The following ATG2B variants were observed in gnomAD, a reference collection of about 807,000 sequenced individuals.
ATG2B encodes autophagy related 2B, also known as autophagy-related protein 2 homolog B.
In ATG2B, 121 loss-of-function variants were observed where a neutral mutation model predicts 241.3. That is an observed-to-expected ratio of 0.50 (90% CI 0.43 to 0.58). The LOEUF (loss-of-function observed/expected upper bound fraction) is 0.58, where lower values mean the gene tolerates loss of function less well. ATG2B is among the 20% of genes least tolerant of loss of function. ATG2B has a pLI of 0.00. For missense variants in ATG2B, 2,306 were observed against 2,491.6 expected (o/e 0.93, Z 1.59); for synonymous variants, 858 against 876.6 (o/e 0.98, Z 0.37).
intron 6 of ATG2B, among the ~76,000 whole-genome samples, chr14:96,337,527 AG>A (rs892365251): frequency 6.6e-5 from 10 of 152,180 alleles, no homozygotes; most frequent in African/African-American, 2.4e-4. Flanking sequence ...AACAGTATGA[AG>A]GTTCCTCAGA....
intron 1 of ATG2B, among the ~76,000 whole-genome samples, chr14:96,358,170 C>T (rs1194029901): frequency 6.6e-6 from 1 of 152,146 alleles, no homozygotes; most frequent in Non-Finnish European, 1.5e-5. Flanking sequence ...TACGGTGGCT[C>T]ATGCCTGTAA....
At chr14:96,341,138 C>T (rs1349980840) in intron 6 of ATG2B, among the ~76,000 whole-genome samples, 1 of 151,948 alleles carries the variant, frequency 6.6e-6, no homozygotes, top group African/African-American at 2.4e-5. Flanking sequence ...TTCTTGCTTG[C>T]CAAATCTCTT....
rs1216343135 is a variant in ATG2B, at chr14:96,317,715, T to G, written c.3020A>C (p.Lys1007Thr). The G allele has an allele frequency of 6.2e-7, 1 of 1,608,812 alleles. No homozygotes were observed. The highest frequency in any genetic ancestry group is 1.7e-5 in the Admixed American group (1 of 59,506). Reference sequence around the variant, plus strand: ...TATATTACCATAGTGAACTGCAGATTTAAATGCACTAAAACTATCTTTGTT... The same window carrying G: ...TATATTACCATAGTGAACTGCAGATGTAAATGCACTAAAACTATCTTTGTT... ...TFNKDSFSAF[K>T]SAVHYDEESG... Residue 1007 changes from lysine to threonine, a missense_variant, in exon 19 of 42, where the codon AAA becomes ACA. Physicochemically the swap from Lys to Thr is moderately conservative, Grantham distance 78. Coordinates refer to ENST00000359933, the MANE Select transcript of ATG2B (RefSeq NM_018036.7).
At chr14:96,343,054 T>C (rs988363016) in intron 5 of ATG2B, 65 bp downstream of exon 5, 49 of 1,295,582 alleles carry the variant, frequency 3.8e-5, no homozygotes, top group Admixed American at 2.0e-4. Context: ...CAAAATTTAA[T>C]AGCCCCCATT....
intron 1 of ATG2B, among the ~76,000 whole-genome samples, chr14:96,352,158 A>G (rs557491790): frequency 3.0e-4 from 46 of 152,294 alleles, no homozygotes; most frequent in African/African-American, 1.1e-3. Flanking sequence ...CACCTTAGTG[A>G]CATCGCAGCC....
chr14:96,325,931 C>A lies in ATG2B; in HGVS notation c.2164-9G>T, dbSNP rs1346285413. The A allele has an allele frequency of 6.2e-7, 1 of 1,605,442 alleles. No homozygotes were observed. The highest frequency in any genetic ancestry group is 2.2e-5 in the East Asian group (1 of 44,662). The stretch of plus-strand genomic sequence containing the variant: ...TCAGTGAAAGCCTTGTGCTAAAACA[C>A]AAAACATCAAAAATATGCCAAAATA... On this transcript the variant is annotated splice_polypyrimidine_tract_variant and intron_variant, in intron 14 of 41. Transcript: ENST00000359933.
chr14:96,329,604 A>G lies in ATG2B; in HGVS notation c.1761T>C (p.Tyr587=). ...RFIGTGIKVS[Y]EQRQRSASRY... is the part of the protein sequence containing the mutation. The stretch of plus-strand genomic sequence containing the variant: ...GGGAAGCTGATCTTTGTCTTTGTTC[A>G]TAGGATACTTTAATGCCAGTACCTA... Residue 587 remains tyrosine (Y), a synonymous_variant, in exon 12 of 42, where the codon TAT becomes TAC. Transcript: ENST00000359933. The G allele has an allele frequency of 1.2e-6, 2 of 1,608,310 alleles. No homozygotes were observed. Among genetic ancestry groups the G allele is most frequent in the East Asian group, 4.5e-5 (2 of 44,730 alleles).
intron 29 of ATG2B, 32 bp from the exon 30 acceptor site, chr14:96,306,948 C>T (rs763856061): frequency 3.2e-6 from 5 of 1,565,368 alleles, no homozygotes; most frequent in South Asian, 2.3e-5. Flanking sequence ...TTTTGGCACA[C>T]TTTGAAATAT....
chr14:96,331,734 A>G, intron 10 of ATG2B, 97 bp from the exon 11 acceptor site: 2 of 953,400 alleles, frequency 2.1e-6, no homozygotes, highest in Middle Eastern at 3.1e-4. Flanking sequence ...TAAAAAACAG[A>G]TGATCATACA....
rs768234897 is a variant in ATG2B, at chr14:96,362,824, C to A, written c.153G>T (p.Leu51Phe). The change falls in exon 1 of 42, where the codon TTG becomes TTT. Residue 51 changes from leucine to phenylalanine, a missense_variant. Transcript: ENST00000359933. ...CGCCGGCAGCTCTTACCCATTTGTCCAAGGGGACCTGGGCGAGGGACCCGG... is the reference window on the plus strand; with the variant it reads ...CGCCGGCAGCTCTTACCCATTTGTCAAAGGGGACCTGGGCGAGGGACCCGG... ...QGTGSLAQVP[L>F]DKWCLNEILE... The A allele has an allele frequency of 1.3e-5, 21 of 1,607,554 alleles. No homozygotes were observed. The highest frequency in any genetic ancestry group is 1.6e-5 in the Non-Finnish European group (19 of 1,176,156).
intron 23 of ATG2B, 99 bp downstream of exon 23, chr14:96,315,055 C>T: frequency 1.2e-6 from 1 of 830,566 alleles, no homozygotes; most frequent in Non-Finnish European, 2.0e-6. Flanking sequence ...TGATAATTCA[C>T]TGAGCTGAAC....
In ATG2B at chr14:96,328,761, T is replaced by G; in HGVS notation, c.1887A>C (p.Leu629Phe). ...HSVPPHYTEL[L>F]TFHSKEETGS... is the part of the protein sequence containing the mutation. Reference sequence around the variant, plus strand: ...CAGTTTCTTCTTTGGAATGGAACGTTAAAAGCTTAAAAGTAAAGATGAAGA... The same window carrying G: ...CAGTTTCTTCTTTGGAATGGAACGTGAAAAGCTTAAAAGTAAAGATGAAGA... The change falls in exon 13 of 42, where the codon TTA (leucine) becomes TTC (phenylalanine). Residue 629 changes from leucine (L) to phenylalanine (F), a missense_variant. By Grantham distance (22) the Leu-to-Phe change is conservative. This residue lies in a region of ATG2B where 1,927 missense variants were observed against 2,011.2 expected (regional missense o/e 0.96). Transcript: ENST00000359933. 3 of 1,601,158 alleles carry G rather than the reference T, an allele frequency of 1.9e-6. No individual in the cohort carries two copies.
chr14:96,291,143 A>G (rs1303547652), intron 38 of ATG2B, among the ~76,000 whole-genome samples: 1 of 152,206 alleles, frequency 6.6e-6, no homozygotes, highest in Non-Finnish European at 1.5e-5. Flanking sequence ...AAATATACAT[A>G]TACATACATA....
intron 1 of ATG2B, among the ~76,000 whole-genome samples, chr14:96,353,584 C>A (rs113040410): frequency 3.7e-4 from 56 of 151,748 alleles, no homozygotes; most frequent in Admixed American, 3.7e-3. Flanking sequence ...CGAGATTGTG[C>A]CACTGCATTC....
At chr14:96,303,332 C>T in intron 32 of ATG2B, 77 bp from the exon 33 acceptor site, 1 of 1,190,762 alleles carries the variant, frequency 8.4e-7, no homozygotes, top group African/African-American at 1.6e-5. Context: ...CTTTAAAATG[C>T]AAAATATCAC....
intron 1 of ATG2B, among the ~76,000 whole-genome samples, chr14:96,355,044 T>C (rs974888480): frequency 6.6e-6 from 1 of 152,354 alleles, no homozygotes; most frequent in East Asian, 1.9e-4. Context: ...TTTTAGACCT[T>C]TGTCAGACGG....
At chr14:96,354,872 G>C (rs1214544927) in intron 1 of ATG2B, among the ~76,000 whole-genome samples, 1 of 152,144 alleles carries the variant, frequency 6.6e-6, no homozygotes, top group African/African-American at 2.4e-5. Context: ...TTGTGGTTTT[G>C]ATTTGCATTT....
rs55845548 is a variant in ATG2B at position 96,306,570 on chromosome 14, C to A, written c.4506+144G>T. The A allele has an allele frequency of 0.27, 175,341 of 639,270 alleles. 25,455 individuals carry two copies. The highest frequency in any genetic ancestry group is 0.31 in the Middle Eastern group (685 of 2,236). 39.6% of individuals were successfully genotyped at this position (639,270 alleles called of 1,614,324 possible). ...CAGAAATAGTACAGTAACCATTCAC[C>A]AACTGTCAATAGTATATTAAAAAAA... On this transcript the variant is annotated intron_variant, in intron 30 of 41. Transcript: ENST00000359933.
At position 96,290,067 on chromosome 14, in the gene ATG2B, C is replaced by T. The variant is rs1886443504; in HGVS notation, c.5857-262G>A. On this transcript the variant is annotated intron_variant, in intron 40 of 41. Coordinates refer to ENST00000359933, the MANE Select transcript of ATG2B (RefSeq NM_018036.7). The surrounding 1 kb of genome is among the most constrained non-coding windows in gnomAD (Gnocchi z 4.4). ...TGTTCACTGAGAACACTCAACATTTCCACATCAGTCTATGGAGCTTAATAC... is the reference window on the plus strand; with the variant it reads ...TGTTCACTGAGAACACTCAACATTTTCACATCAGTCTATGGAGCTTAATAC... The T allele has an allele frequency of 1.7e-6, 2 of 1,177,836 alleles. No individual in the cohort carries two copies. The highest frequency in any genetic ancestry group is 3.5e-5 in the Admixed American group (1 of 28,204). The allele number at this position is 1,177,836 out of a possible 1,614,324, so 73.0% of individuals were successfully genotyped here.
Sources: allele counts gnomAD v4.1 joint callset (sites outside exome capture counted in the v4.1 genomes callset), GRCh38; gene constraint gnomAD v4.1.1; regional missense constraint gnomAD v4.1.1; non-coding constraint Gnocchi (gnomAD v3.1); transcripts MANE v1.5; gene names NCBI Gene and HGNC (gene_info 2026-07-23, HGNC 2026-07-21).